The following GALNTL6 variants were observed in gnomAD, a reference collection of about 807,000 sequenced individuals.
GALNTL6 encodes the protein polypeptide N-acetylgalactosaminyltransferase like 6.
In GALNTL6, 46 loss-of-function variants were observed where a neutral mutation model predicts 73.7. That is an observed-to-expected ratio of 0.62 (90% CI 0.49 to 0.80). The LOEUF is 0.80. GALNTL6 is among the 30% of genes least tolerant of loss of function. The pLI, the probability that GALNTL6 is intolerant of heterozygous loss-of-function variation, is 0.00. For missense variants in GALNTL6, 604 were observed against 755.0 expected, an observed-to-expected ratio of 0.80 and a Z score of 2.34; for synonymous variants, 259 against 263.7, an observed-to-expected ratio of 0.98 and a Z score of 0.17.
intron 5 of GALNTL6, among the ~76,000 whole-genome samples, chr4:172,556,763 A>G (rs1736157398): frequency 6.6e-6 from 1 of 151,684 alleles, no homozygotes; most frequent in Non-Finnish European, 1.5e-5. Context: ...AAAAAAGAAG[A>G]ACAAAGAAAA....
intron 10 of GALNTL6, among the ~76,000 whole-genome samples, chr4:172,953,483 T>G (rs184859612): frequency 3.3e-4 from 51 of 152,318 alleles, no homozygotes; most frequent in African/African-American, 1.2e-3. Flanking sequence ...TTCTAGTCTC[T>G]GAAAGAAGAT....
intron 5 of GALNTL6, among the ~76,000 whole-genome samples, chr4:172,692,866 C>T (rs1009492013): frequency 3.3e-5 from 5 of 152,146 alleles, no homozygotes; most frequent in African/African-American, 4.8e-5. Context: ...ACAATACAGA[C>T]TTTGAGACCA....
intron 5 of GALNTL6, among the ~76,000 whole-genome samples, chr4:172,721,174 C>G (rs576672805): frequency 8.4e-4 from 128 of 152,298 alleles, no homozygotes; most frequent in African/African-American, 2.9e-3. Flanking sequence ...ATAAATGTCA[C>G]TTATTAGTCA....
Position 172,018,233 on chromosome 4 carries a change from G to T in GALNTL6, c.138+203515G>T, listed in dbSNP as rs576265454. 5.3e-5 allele frequency among the ~76,000 whole-genome samples: 8 copies of T among 152,164 alleles called. 1 individual carries two copies. In the South Asian group the frequency reaches 1.7e-3, roughly 32 times the overall value. On this transcript the variant is annotated intron_variant, in intron 2 of 12. Transcript: ENST00000506823. ...CTTGCCTTACATTGGCCAGGGGGAG[G>T]TATTCTGGTTTCTCAGGTAATGGGT...
At chr4:172,133,566 T>A (rs1398383452) in intron 2 of GALNTL6, among the ~76,000 whole-genome samples, 1 of 152,188 alleles carries the variant, frequency 6.6e-6, no homozygotes, top group Non-Finnish European at 1.5e-5. Flanking sequence ...GTGTTGAAAC[T>A]ATGGTGGATA....
chr4:172,825,555 G>C (rs1405755547), intron 7 of GALNTL6, among the ~76,000 whole-genome samples: 1 of 152,198 alleles, frequency 6.6e-6, no homozygotes, highest in Non-Finnish European at 1.5e-5. Context: ...GCCAGGGCAG[G>C]AGAGCAGGAG....
chr4:172,348,399 G>T, intron 4 of GALNTL6, 124 bp from the exon 5 acceptor site: 1 of 689,422 alleles, frequency 1.5e-6, no homozygotes, highest in Non-Finnish European at 2.4e-6. Flanking sequence ...TACAAACTCT[G>T]GTTGGAAAGT....
At chr4:172,537,044 C>G (rs2110862287) in intron 5 of GALNTL6, among the ~76,000 whole-genome samples, 1 of 152,228 alleles carries the variant, frequency 6.6e-6, no homozygotes, top group South Asian at 2.1e-4. Flanking sequence ...TGCTTGTACC[C>G]CCATTATATT....
intron 5 of GALNTL6, among the ~76,000 whole-genome samples, chr4:172,640,055 A>G (rs1335445842): frequency 6.6e-6 from 1 of 152,090 alleles, no homozygotes; most frequent in Non-Finnish European, 1.5e-5. Flanking sequence ...ATTGTTTTCA[A>G]TGGTTACTGT....
chr4:172,767,462 C>T (rs1278612092), intron 5 of GALNTL6, among the ~76,000 whole-genome samples: 2 of 152,150 alleles, frequency 1.3e-5, no homozygotes, highest in Non-Finnish European at 2.9e-5. Flanking sequence ...CTCCCCACTC[C>T]TCCACATAGC....
intron 10 of GALNTL6, among the ~76,000 whole-genome samples, chr4:172,969,747 A>G (rs1404875147): frequency 6.6e-6 from 1 of 152,226 alleles, no homozygotes. Flanking sequence ...CCCAAAGTTC[A>G]TGTGTTGGAA....
chr4:172,356,262 C>G (rs577148751), intron 5 of GALNTL6, among the ~76,000 whole-genome samples: 25 of 152,262 alleles, frequency 1.6e-4, no homozygotes, highest in African/African-American at 5.8e-4. Context: ...CCATTTTATG[C>G]ATGTTGGGCT....
At chr4:172,131,790 C>T (rs1733506197) in intron 2 of GALNTL6, among the ~76,000 whole-genome samples, 1 of 151,722 alleles carries the variant, frequency 6.6e-6, no homozygotes, top group African/African-American at 2.4e-5. Context: ...TTCTCCAGGG[C>T]ACTGACTTAC....
intron 3 of GALNTL6, among the ~76,000 whole-genome samples, chr4:172,251,719 A>C (rs1737877364): frequency 2.0e-5 from 3 of 152,268 alleles, no homozygotes; most frequent in African/African-American, 7.2e-5. Context: ...AGAAAGCAAA[A>C]CTAAGAGCAA....
At position 172,990,009 on chromosome 4, in the gene GALNTL6, C is replaced by T. The variant is rs138548373; in HGVS notation, c.1372-19169C>T. On this transcript the variant is annotated intron_variant, in intron 10 of 12. Transcript: ENST00000506823. ...ATATCTCTCCTCTTGAGCCTGGGCC[C>T]GTCAAAAATTATTTACCACAGGTCA... 8.8e-3 allele frequency among the ~76,000 whole-genome samples: 1,345 copies of T among 152,144 alleles called. 22 individuals carry two copies. Among genetic ancestry groups the T allele is most frequent in the African/African-American group, 0.031 (1,273 of 41,504 alleles).
intron 2 of GALNTL6, among the ~76,000 whole-genome samples, chr4:172,037,842 G>A (rs1741975437): frequency 6.6e-6 from 1 of 152,144 alleles, no homozygotes; most frequent in Non-Finnish European, 1.5e-5. Context: ...TAGAGACCGG[G>A]AGCGTTGGCT....
intron 5 of GALNTL6, among the ~76,000 whole-genome samples, chr4:172,660,579 G>T (rs758842194): frequency 3.8e-4 from 58 of 152,170 alleles, no homozygotes; most frequent in Admixed American, 4.6e-4. Flanking sequence ...GGCTAACAGT[G>T]AGTGAGTTAT....
chr4:172,005,790 T>C (rs2110768690), intron 2 of GALNTL6, among the ~76,000 whole-genome samples: 1 of 152,302 alleles, frequency 6.6e-6, no homozygotes, highest in South Asian at 2.1e-4. Context: ...GGGATGAATG[T>C]TAATAAATGA....
chr4:172,146,486 C>T (rs1434662150), intron 2 of GALNTL6, among the ~76,000 whole-genome samples: 1 of 152,126 alleles, frequency 6.6e-6, no homozygotes, highest in African/African-American at 2.4e-5. Flanking sequence ...CTATACATGT[C>T]TGTGAATTTG....
Sources: allele counts gnomAD v4.1 joint callset (sites outside exome capture counted in the v4.1 genomes callset), GRCh38; gene constraint gnomAD v4.1.1; transcripts MANE v1.5; gene names NCBI Gene and HGNC (gene_info 2026-07-23, HGNC 2026-07-21).